Variants in GRB10 observed in about 807,000 individuals in gnomAD.
The protein encoded by GRB10 is growth factor receptor bound protein 10.
A neutral mutation model predicts 80.9 loss-of-function variants in GRB10; 20 were observed. The observed-to-expected ratio is 0.25, with a 90% CI of 0.17 to 0.36. The LOEUF is 0.36. GRB10 is among the 10% of genes least tolerant of loss of function. GRB10 has a pLI of 1.00. For missense variants in GRB10, 548 were observed against 747.7 expected (o/e 0.73, Z 3.12); for synonymous variants, 291 against 291.5 (o/e 1.00, Z 0.02).
chr7:50,726,995 G>A (rs1174110865), intron 4 of GRB10: 1 of 152,150 alleles, frequency 6.6e-6, no homozygotes, highest in African/African-American at 2.4e-5. Context: ...TCCCCACCGC[G>A]TAGCATTGGC....
At chr7:50,724,736 T>C (rs1228403127) in intron 4 of GRB10, among the ~76,000 whole-genome samples, 2 of 152,108 alleles carry the variant, frequency 1.3e-5, no homozygotes, top group Non-Finnish European at 2.9e-5. Flanking sequence ...GGCTGGGTAA[T>C]GACACATAAC....
At chr7:50,664,479 C>A (rs555003564) in intron 7 of GRB10, among the ~76,000 whole-genome samples, 1 of 152,212 alleles carries the variant, frequency 6.6e-6, no homozygotes, top group African/African-American at 2.4e-5. Context: ...TCTGTGGGGG[C>A]AGGGGGGACA....
chr7:50,678,564 C>G (rs1159533722), intron 5 of GRB10, among the ~76,000 whole-genome samples: 1 of 152,216 alleles, frequency 6.6e-6, no homozygotes, highest in Admixed American at 6.5e-5. Flanking sequence ...GGTTCTCTGA[C>G]TTGTAAGCTT....
chr7:50,756,263 A>C (rs779021931), intron 2 of GRB10, among the ~76,000 whole-genome samples: 4 of 152,248 alleles, frequency 2.6e-5, no homozygotes, highest in Admixed American at 1.3e-4. Flanking sequence ...CCAGAGACAG[A>C]GGACAGAGGG....
chr7:50,721,307 T>C (rs2153685015), intron 4 of GRB10, among the ~76,000 whole-genome samples: 1 of 152,306 alleles, frequency 6.6e-6, no homozygotes. Context: ...CGCTTTGTCC[T>C]GCCCAGGATG....
intron 7 of GRB10, among the ~76,000 whole-genome samples, chr7:50,628,668 C>T (rs561612275): frequency 6.6e-6 from 1 of 152,266 alleles, no homozygotes; most frequent in South Asian, 2.1e-4. Flanking sequence ...GCCAGGGGAG[C>T]CTGCACTCTC....
chr7:50,618,037 T>C (rs1318882100), intron 10 of GRB10, 34 bp downstream of exon 10: 8 of 1,534,896 alleles, frequency 5.2e-6, no homozygotes, highest in Non-Finnish European at 6.3e-6. Flanking sequence ...ATTCAGAAAG[T>C]CTATTTCAGC....
At chr7:50,761,593 T>G (rs971332979) in intron 2 of GRB10, 2 of 152,182 alleles carry the variant, frequency 1.3e-5, no homozygotes, top group Admixed American at 1.3e-4. Context: ...AAGCTCACAA[T>G]GGCAGTATCA....
chr7:50,615,986 G>A (rs2050559614), intron 11 of GRB10, among the ~76,000 whole-genome samples: 1 of 152,224 alleles, frequency 6.6e-6, no homozygotes, highest in Admixed American at 6.5e-5. Flanking sequence ...GGGCTAGGCA[G>A]GTGGGGTTCT....
intron 13 of GRB10, among the ~76,000 whole-genome samples, chr7:50,611,209 G>C (rs1427878501): frequency 6.6e-6 from 1 of 152,138 alleles, no homozygotes; most frequent in Non-Finnish European, 1.5e-5. Flanking sequence ...AATTTTTCCT[G>C]TTCCCTTCAC....
chr7:50,703,663 T>C (rs1250203819), intron 5 of GRB10, among the ~76,000 whole-genome samples, 158 bp downstream of exon 5: 1 of 152,252 alleles, frequency 6.6e-6, no homozygotes, highest in Admixed American at 6.5e-5. Flanking sequence ...ACCAAGGATC[T>C]TTCTCTATTT....
At chr7:50,637,038 G>A (rs190955272) in intron 7 of GRB10, among the ~76,000 whole-genome samples, 11 of 152,250 alleles carry the variant, frequency 7.2e-5, no homozygotes, top group East Asian at 1.9e-4. Context: ...ATGCAGTGGC[G>A]TGATCTCAGC....
intron 4 of GRB10, among the ~76,000 whole-genome samples, chr7:50,721,004 GA>G (rs2067630221): frequency 6.6e-5 from 10 of 152,072 alleles, no homozygotes; most frequent in Non-Finnish European, 1.3e-4. Context: ...AGAAAGAAAA[GA>G]AAAGAAACGC....
chr7:50,749,412 A>C (rs2153700323), intron 3 of GRB10, among the ~76,000 whole-genome samples: 1 of 152,182 alleles, frequency 6.6e-6, no homozygotes, highest in East Asian at 1.9e-4. Flanking sequence ...TACAGGCATG[A>C]GCCACCATGC....
At chr7:50,758,804 A>G (rs1416511717) in intron 2 of GRB10, among the ~76,000 whole-genome samples, 1 of 152,232 alleles carries the variant, frequency 6.6e-6, no homozygotes, top group African/African-American at 2.4e-5. Flanking sequence ...ATAGAATGGA[A>G]TTAAAAGGAA....
intron 5 of GRB10, among the ~76,000 whole-genome samples, chr7:50,691,528 T>C (rs1171603155): frequency 1.3e-5 from 2 of 152,202 alleles, no homozygotes; most frequent in Admixed American, 6.5e-5. Context: ...CCTACTACTA[T>C]AGCTGGAGAA....
chr7:50,616,615 G>A (rs1413730757), intron 10 of GRB10, among the ~76,000 whole-genome samples: 1 of 152,208 alleles, frequency 6.6e-6, no homozygotes, highest in Non-Finnish European at 1.5e-5. Flanking sequence ...ATAGTGCACT[G>A]AAGGATCCAG....
chr7:50,596,500 T>C (rs907045522), intron 17 of GRB10, among the ~76,000 whole-genome samples: 10 of 152,238 alleles, frequency 6.6e-5, no homozygotes. Flanking sequence ...TATGAATACA[T>C]GCTGGGAGAG....
intron 4 of GRB10, among the ~76,000 whole-genome samples, chr7:50,716,786 C>T (rs1403481917): frequency 1.3e-5 from 2 of 152,346 alleles, no homozygotes; most frequent in East Asian, 3.9e-4. Flanking sequence ...CTCCCTCGCC[C>T]AACGGCTGGC....
Sources: allele counts gnomAD v4.1 joint callset (sites outside exome capture counted in the v4.1 genomes callset), GRCh38; gene constraint gnomAD v4.1.1; transcripts MANE v1.5; gene names NCBI Gene and HGNC (gene_info 2026-07-23, HGNC 2026-07-21).